Variants in NRG3 observed in about 807,000 individuals in gnomAD.
NRG3 encodes the protein neuregulin 3.
A neutral mutation model predicts 66.9 loss-of-function variants in NRG3; 31 were observed. The observed-to-expected ratio is 0.46, with a 90% confidence interval of 0.35 to 0.63. NRG3 has a LOEUF of 0.63. Among genes scored for constraint, NRG3 ranks in the 20% least tolerant of loss-of-function variants. The pLI is 0.00. For missense variants in NRG3, 910 were observed against 878.9 expected, an observed-to-expected ratio of 1.04 and a Z score of -0.45; for synonymous variants, 393 against 359.4, an observed-to-expected ratio of 1.09 and a Z score of -1.06.
At chr10:82,768,953 T>C (rs1000477870) in intron 3 of NRG3, among the ~76,000 whole-genome samples, 4 of 152,166 alleles carry the variant, frequency 2.6e-5, no homozygotes, top group African/African-American at 9.7e-5. Flanking sequence ...TCTCTTTCTA[T>C]GTATTTAAGA....
In NRG3 at chr10:82,580,023, G is replaced by A. The variant is rs112356009; in HGVS notation, c.954-158554G>A. On this transcript the variant is annotated intron_variant, in intron 2 of 8. Transcript: ENST00000372141. ...ATGCTCAAGTCACTTTTATAAAATG[G>A]CATAATATTTATTATAACCTATGCA... Among the ~76,000 whole-genome samples, 255 of 151,804 alleles carry A rather than the reference G, an allele frequency of 1.7e-3. 2 individuals carry two copies. The highest frequency in any genetic ancestry group is 5.8e-3 in the African/African-American group (242 of 41,462).
intron 1 of NRG3, among the ~76,000 whole-genome samples, chr10:82,025,998 A>G (rs2062284953): frequency 6.6e-6 from 1 of 152,082 alleles, no homozygotes; most frequent in African/African-American, 2.4e-5. Context: ...ACAGGGGGAA[A>G]TCACTGTAGT....
At chr10:81,964,104 A>G (rs2059634502) in intron 1 of NRG3, among the ~76,000 whole-genome samples, 1 of 152,168 alleles carries the variant, frequency 6.6e-6, no homozygotes, top group Non-Finnish European at 1.5e-5. Flanking sequence ...GAGATAAGCA[A>G]TGTTATCAAT....
chr10:82,955,245 G>A (rs903074123), intron 5 of NRG3: 10 of 151,874 alleles, frequency 6.6e-5, no homozygotes, highest in Non-Finnish European at 1.2e-4. Flanking sequence ...TAGGTAACAT[G>A]ATAAGGAATA....
chr10:82,844,838 C>CA (rs996789338), intron 3 of NRG3, among the ~76,000 whole-genome samples: 13 of 152,002 alleles, frequency 8.6e-5, no homozygotes, highest in African/African-American at 3.1e-4. Context: ...TCTCAAATTT[C>CA]AAAAAAATAG....
intron 3 of NRG3, among the ~76,000 whole-genome samples, chr10:82,784,253 C>T (rs1160263609): frequency 2.6e-5 from 4 of 151,754 alleles, no homozygotes; most frequent in Admixed American, 2.6e-4. Flanking sequence ...ACCATAAAAA[C>T]CCTAGAAGAA....
chr10:82,747,156 C>G (rs2058680507), intron 3 of NRG3, among the ~76,000 whole-genome samples: 1 of 152,014 alleles, frequency 6.6e-6, no homozygotes, highest in Admixed American at 6.6e-5. Flanking sequence ...CTACTTCCCA[C>G]TCAATATATT....
At chr10:82,750,510 A>G (rs2058821858) in intron 3 of NRG3, among the ~76,000 whole-genome samples, 2 of 152,262 alleles carry the variant, frequency 1.3e-5, no homozygotes, top group African/African-American at 2.4e-5. Context: ...CTTAAGAGAA[A>G]CATCTCCTTA....
intron 2 of NRG3, among the ~76,000 whole-genome samples, chr10:82,409,656 G>C (rs992696218): frequency 1.3e-5 from 2 of 152,098 alleles, no homozygotes; most frequent in Non-Finnish European, 2.9e-5. Context: ...TGTATAATAC[G>C]TTAGCCCAAA....
chr10:81,914,655 C>A (rs1845491536), intron 1 of NRG3, among the ~76,000 whole-genome samples: 1 of 150,594 alleles, frequency 6.6e-6, no homozygotes, highest in East Asian at 2.0e-4. Flanking sequence ...ACTCAGGAGG[C>A]TGAAGCAGGA....
intron 3 of NRG3, among the ~76,000 whole-genome samples, chr10:82,769,482 TA>T (rs1252970809): frequency 6.6e-6 from 1 of 152,124 alleles, no homozygotes; most frequent in African/African-American, 2.4e-5. Flanking sequence ...ATTAATAACA[TA>T]ATTTCAATAT....
At chr10:82,502,278 G>A (rs1844268954) in intron 2 of NRG3, among the ~76,000 whole-genome samples, 1 of 152,062 alleles carries the variant, frequency 6.6e-6, no homozygotes, top group South Asian at 2.1e-4. Context: ...TGTGTGAATG[G>A]TAGGCTTGTG....
intron 4 of NRG3, among the ~76,000 whole-genome samples, chr10:82,880,149 T>G (rs1465087163): frequency 6.6e-6 from 1 of 152,116 alleles, no homozygotes; most frequent in Admixed American, 6.5e-5. Flanking sequence ...TCACAGGAGT[T>G]ATCACATTTT....
At chr10:81,992,220 A>G (rs1345755905) in intron 1 of NRG3, among the ~76,000 whole-genome samples, 1 of 152,112 alleles carries the variant, frequency 6.6e-6, no homozygotes, top group African/African-American at 2.4e-5. Flanking sequence ...TTGAATATAT[A>G]TTTTATTTAT....
At chr10:81,885,078 A>C (rs1345440402) in intron 1 of NRG3, among the ~76,000 whole-genome samples, 1 of 152,062 alleles carries the variant, frequency 6.6e-6, no homozygotes, top group Non-Finnish European at 1.5e-5. Flanking sequence ...ACAGTTCCCT[A>C]CCTCTAAACT....
At chr10:82,112,814 A>G (rs957085691) in intron 1 of NRG3, among the ~76,000 whole-genome samples, 1 of 152,146 alleles carries the variant, frequency 6.6e-6, no homozygotes, top group African/African-American at 2.4e-5. Flanking sequence ...CTTTGTTTGC[A>G]ATGGATATGT....
intron 1 of NRG3, among the ~76,000 whole-genome samples, chr10:82,124,566 G>T (rs759257418): frequency 2.0e-5 from 3 of 151,714 alleles, no homozygotes; most frequent in Non-Finnish European, 2.9e-5. Context: ...GGCCTGTCGG[G>T]GGGTGGAGGG....
intron 1 of NRG3, among the ~76,000 whole-genome samples, chr10:82,099,861 A>G (rs1238873724): frequency 1.3e-5 from 2 of 151,550 alleles, no homozygotes; most frequent in Non-Finnish European, 2.9e-5. Flanking sequence ...CCACATGCCT[A>G]TACTCCTAGA....
intron 1 of NRG3, among the ~76,000 whole-genome samples, chr10:82,271,419 A>G (rs1247859667): frequency 6.6e-6 from 1 of 152,130 alleles, no homozygotes; most frequent in Non-Finnish European, 1.5e-5. Flanking sequence ...GAAAACATAT[A>G]TAAAACACTT....
Sources: allele counts gnomAD v4.1 joint callset (sites outside exome capture counted in the v4.1 genomes callset), GRCh38; gene constraint gnomAD v4.1.1; transcripts MANE v1.5; gene names NCBI Gene and HGNC (gene_info 2026-07-23, HGNC 2026-07-21).